Variants in CDH13 observed in about 807,000 individuals in gnomAD.
CDH13 encodes cadherin 13.
In CDH13, 24 loss-of-function variants were observed where a neutral mutation model predicts 63.8. That is an observed-to-expected ratio of 0.38 (90% CI 0.27 to 0.53). CDH13 has a LOEUF of 0.53. CDH13 is among the 20% of genes least tolerant of loss of function. The pLI is 0.85. For missense variants in CDH13, 1,049 were observed against 903.1 expected (o/e 1.16, Z -2.07); for synonymous variants, 503 against 355.3 (o/e 1.42, Z -4.67).
rs1326701980 is a variant in CDH13 at position 82,644,311 on chromosome 16, C to T, written c.45+17174C>T. Among the ~76,000 whole-genome samples, 16 of 151,978 alleles carry T rather than the reference C, an allele frequency of 1.1e-4. 1 individual carries two copies. The highest frequency in any genetic ancestry group is 5.9e-5 in the Non-Finnish European group (4 of 67,988). Reference sequence around the variant, plus strand: ...GTGCTCATCACTCTGCAAATCAAGGCCCCCCGAACTCCTCCCACCCCTGCC... The same window carrying T: ...GTGCTCATCACTCTGCAAATCAAGGTCCCCCGAACTCCTCCCACCCCTGCC... On this transcript the variant is annotated intron_variant, in intron 1 of 13. Coordinates refer to ENST00000567109, the MANE Select transcript of CDH13 (RefSeq NM_001257.5). The surrounding 1 kb of genome is among the most constrained non-coding windows in gnomAD (Gnocchi z 5.7).
chr16:83,730,686 T>C (rs1488400526), intron 10 of CDH13, among the ~76,000 whole-genome samples: 2 of 152,230 alleles, frequency 1.3e-5, no homozygotes, highest in Non-Finnish European at 2.9e-5. Flanking sequence ...AGCTTTTAGA[T>C]TCAGGGGGTC....
chr16:83,650,484 A>T (rs1379727856), intron 8 of CDH13, among the ~76,000 whole-genome samples: 2 of 152,176 alleles, frequency 1.3e-5, no homozygotes, highest in Non-Finnish European at 2.9e-5. Context: ...TACACAGGCA[A>T]CTGTCATGTA....
chr16:82,944,890 A>G (rs992954542), intron 2 of CDH13, among the ~76,000 whole-genome samples: 2 of 152,204 alleles, frequency 1.3e-5, no homozygotes, highest in Non-Finnish European at 2.9e-5. Context: ...AGGTATATAA[A>G]TAACACTCAA....
At chr16:83,542,042 G>A (rs149519129) in intron 7 of CDH13, among the ~76,000 whole-genome samples, 45 of 152,308 alleles carry the variant, frequency 3.0e-4, no homozygotes, top group Non-Finnish European at 5.0e-4. Context: ...TCCTTACAGT[G>A]TAGGCCATGG....
chr16:83,047,363 G>T lies in CDH13; in HGVS notation c.366+15145G>T, dbSNP rs1223705865. The stretch of plus-strand genomic sequence containing the variant: ...AACCGTGGTTAACACAGATAATTGA[G>T]ACTTGAGTGCTTTTTTATTCCAAGT... On this transcript the variant is annotated intron_variant, in intron 3 of 13. Coordinates refer to ENST00000567109, the MANE Select transcript of CDH13 (RefSeq NM_001257.5). The surrounding 1 kb of genome is among the most constrained non-coding windows in gnomAD (Gnocchi z 4.9). Among the ~76,000 whole-genome samples, 1 of 152,172 alleles carries T rather than the reference G, an allele frequency of 6.6e-6. No individual in the cohort carries two copies. The highest frequency in any genetic ancestry group is 1.5e-5 in the Non-Finnish European group (1 of 68,038).
chr16:83,301,035 T>TTTG (rs1405865946), intron 5 of CDH13, among the ~76,000 whole-genome samples: 5 of 132,806 alleles, frequency 3.8e-5, no homozygotes, highest in Admixed American at 1.5e-4. Flanking sequence ...GTTTTTTTTT[T>TTTG]TTTTTTTTTT....
intron 6 of CDH13, among the ~76,000 whole-genome samples, chr16:83,355,835 T>C (rs549838863): frequency 6.6e-6 from 1 of 152,282 alleles, no homozygotes; most frequent in East Asian, 1.9e-4. Context: ...GGGAGGGAGA[T>C]GATGCCTGTC....
At chr16:83,171,925 T>A (rs1356312173) in intron 4 of CDH13, among the ~76,000 whole-genome samples, 1 of 152,120 alleles carries the variant, frequency 6.6e-6, no homozygotes, top group African/African-American at 2.4e-5. Context: ...TATTTAAGAT[T>A]TATTGTCATC....
intron 5 of CDH13, among the ~76,000 whole-genome samples, chr16:83,294,618 GTATA>G (rs56063197): frequency 6.6e-6 from 1 of 150,478 alleles, no homozygotes; most frequent in African/African-American, 2.4e-5. Flanking sequence ...GTGTGTGTGT[GTATA>G]TATATATGTG....
intron 4 of CDH13, among the ~76,000 whole-genome samples, chr16:83,156,193 C>A (rs181190234): frequency 1.3e-5 from 2 of 152,186 alleles, no homozygotes; most frequent in Non-Finnish European, 2.9e-5. Flanking sequence ...TAACCAAACT[C>A]CTTGAGTTGA....
chr16:83,500,054 C>T (rs536143705), intron 7 of CDH13, among the ~76,000 whole-genome samples: 1 of 152,000 alleles, frequency 6.6e-6, no homozygotes, highest in Admixed American at 6.5e-5. Context: ...CCGCCCACCT[C>T]GGCCTCCCAA....
chr16:82,830,667 G>A (rs1309058501), intron 1 of CDH13, among the ~76,000 whole-genome samples: 1 of 152,206 alleles, frequency 6.6e-6, no homozygotes, highest in Admixed American at 6.5e-5. Context: ...GACATGCCAT[G>A]ATGGCATGGA....
At chr16:82,875,286 G>T (rs1290593528) in intron 2 of CDH13, among the ~76,000 whole-genome samples, 1 of 152,228 alleles carries the variant, frequency 6.6e-6, no homozygotes. Context: ...TACCAAAGGA[G>T]AGGTTGGATT....
chr16:83,074,713 T>C (rs889890933), intron 3 of CDH13, among the ~76,000 whole-genome samples: 2 of 152,196 alleles, frequency 1.3e-5, no homozygotes, highest in Non-Finnish European at 2.9e-5. Flanking sequence ...GAGCCTTCCT[T>C]CATAGCCATC....
intron 1 of CDH13, among the ~76,000 whole-genome samples, chr16:82,833,038 A>G (rs993372019): frequency 6.6e-6 from 1 of 152,190 alleles, no homozygotes; most frequent in African/African-American, 2.4e-5. Context: ...CCCATCTTAC[A>G]GTTATACCTT....
rs139474514 is a variant in CDH13 at position 83,144,842 on chromosome 16, A to G, written c.483+19341A>G. ...AGTCTCCTCTTTTGCAAAAGCGTTC[A>G]TGGAAATGGCCTTCTCTCCTAACAG... is the stretch of plus-strand genomic sequence containing the variant. On this transcript the variant is annotated intron_variant, in intron 4 of 13. Coordinates refer to ENST00000567109, the MANE Select transcript of CDH13 (RefSeq NM_001257.5). Among the ~76,000 whole-genome samples the G allele has an allele frequency of 7.5e-3, 1,148 of 152,318 alleles. 26 individuals carry two copies. The highest frequency in any genetic ancestry group is 0.058 in the Admixed American group (884 of 15,300).
chr16:83,405,877 C>CT (rs2092034887), intron 6 of CDH13, among the ~76,000 whole-genome samples: 1 of 29,506 alleles, frequency 3.4e-5, no homozygotes, highest in Admixed American at 6.9e-4. Flanking sequence ...AATATAGCTG[C>CT]TTAGTTAAAA....
chr16:82,653,939 T>A (rs2150912187), intron 1 of CDH13, among the ~76,000 whole-genome samples: 1 of 152,090 alleles, frequency 6.6e-6, no homozygotes, highest in African/African-American at 2.4e-5. Flanking sequence ...GCACAACAGA[T>A]AAGACTTGCT....
intron 10 of CDH13, among the ~76,000 whole-genome samples, chr16:83,718,409 A>G (rs1414546555): frequency 3.9e-5 from 6 of 152,234 alleles, no homozygotes; most frequent in African/African-American, 1.4e-4. Context: ...AAAAGTATAC[A>G]CTCAAGAAAG....
Sources: gnomAD v4.1 joint callset for allele counts (sites outside exome capture counted in the v4.1 genomes callset) on GRCh38, gnomAD v4.1.1 for gene constraint, Gnocchi (gnomAD v3.1) non-coding constraint, MANE v1.5 for transcripts, NCBI Gene and HGNC (gene_info 2026-07-23, HGNC 2026-07-21) for gene names.